ANKRD27: variants seen among roughly 807,000 people sequenced by gnomAD.
ANKRD27 encodes ankyrin repeat domain-containing protein 27.
A neutral mutation model predicts 129.7 loss-of-function variants in ANKRD27; 112 were observed. The ratio of observed to expected loss-of-function variants is 0.86; its 90% CI spans 0.74 to 1.01. ANKRD27 has a LOEUF of 1.01. ANKRD27 is among the 50% of genes least tolerant of loss of function. The probability of loss-of-function intolerance (pLI) is 0.00; values close to 1 mark genes in which losing one functional copy is unlikely to be tolerated. For synonymous variants in ANKRD27, 516 were observed against 511.2 expected (o/e 1.01, Z -0.13); for missense variants, 1,258 against 1,300.5 (o/e 0.97, Z 0.50).
intron 1 of ANKRD27, 147 bp from the exon 2 acceptor site, chr19:32,659,192 G>A (rs953730804): frequency 2.2e-5 from 12 of 553,210 alleles, no homozygotes; most frequent in Admixed American, 9.4e-5. Context: ...AGGCTGGAGC[G>A]CGGCTCAGCC....
intron 13 of ANKRD27, among the ~76,000 whole-genome samples, chr19:32,630,779 C>T (rs983476997): frequency 1.2e-4 from 19 of 152,170 alleles, no homozygotes; most frequent in African/African-American, 4.3e-4. Context: ...TACAGGTGCC[C>T]GCCACCACAC....
At chr19:32,668,040 T>C (rs1052002972) in intron 1 of ANKRD27, among the ~76,000 whole-genome samples, 1 of 152,224 alleles carries the variant, frequency 6.6e-6, no homozygotes, top group East Asian at 1.9e-4. Flanking sequence ...TATGCATACA[T>C]AACTGCATGA....
chr19:32,653,869 G>A (rs1329291589), intron 2 of ANKRD27, among the ~76,000 whole-genome samples: 1 of 152,194 alleles, frequency 6.6e-6, no homozygotes, highest in Non-Finnish European at 1.5e-5. Flanking sequence ...GCGTGGTGCG[G>A]TTCACTCTGC....
At position 32,602,138 on chromosome 19, in the gene ANKRD27, A is replaced by C. The variant is rs964193585; in HGVS notation, c.2656-12T>G. 6.8e-7 allele frequency: 1 copy of C among 1,473,146 alleles called. No individual in the cohort carries two copies. The highest frequency in any genetic ancestry group is 2.3e-5 in the East Asian group (1 of 44,226). The allele number at this position is 1,473,146 out of a possible 1,614,324, so 91.3% of individuals were successfully genotyped here. The stretch of plus-strand genomic sequence containing the variant: ...ATTATTTTTGAATTCTGCAATTTGA[A>C]AGGGAAAAGGAACAGTAATGTTTTT... On this transcript the variant is annotated splice_polypyrimidine_tract_variant and intron_variant, in intron 25 of 28. Coordinates refer to ENST00000306065, the MANE Select transcript of ANKRD27 (RefSeq NM_032139.3).
Position 32,643,609 on chromosome 19 carries a change from G to C in ANKRD27, c.548C>G (p.Thr183Ser). The change falls in exon 6 of 29, where the codon ACC becomes AGC. Residue 183 changes from threonine (T) to serine (S), a missense_variant. Transcript: ENST00000306065. Reference sequence around the variant, plus strand: ...CCTCAGAAGCTGCTGGAGGCATTTGGTGTAGAGAGCATTCGCTGAGTCCTA... The same window carrying C: ...CCTCAGAAGCTGCTGGAGGCATTTGCTGTAGAGAGCATTCGCTGAGTCCTA... The part of the protein sequence containing the change: ...HHIDSANALY[T>S]KCLQQLLRDS... 4 of 1,614,030 alleles carry C rather than the reference G, an allele frequency of 2.5e-6. No individual in the cohort carries two copies. The highest frequency in any genetic ancestry group is 3.4e-6 in the Non-Finnish European group (4 of 1,180,028).
At position 32,609,320 on chromosome 19, in the gene ANKRD27, A is replaced by ACTC. The variant is rs146560588; in HGVS notation, c.2176-1491_2176-1489dup. On this transcript the variant is annotated intron_variant, in intron 22 of 28. Transcript: ENST00000306065. ...GTATATATCCACACAAAGGCCTGTA[A>ACTC]CTCCTAGGTGTTTACCCACCAACGT... Among the ~76,000 whole-genome samples, 279 of 149,644 alleles carry ACTC rather than the reference A, an allele frequency of 1.9e-3. 1 individual carries two copies. Among genetic ancestry groups the ACTC allele is most frequent in the African/African-American group, 6.8e-3 (267 of 39,280 alleles).
intron 1 of ANKRD27, among the ~76,000 whole-genome samples, chr19:32,669,099 C>A (rs543330987): frequency 2.8e-4 from 43 of 152,274 alleles, no homozygotes; most frequent in African/African-American, 1.0e-3. Context: ...GCGTGAGCAA[C>A]CATGCCCAGC....
chr19:32,665,670 A>G (rs1967739473), intron 1 of ANKRD27, among the ~76,000 whole-genome samples: 1 of 152,086 alleles, frequency 6.6e-6, no homozygotes, highest in Admixed American at 6.6e-5. Context: ...TGTGTTAGCC[A>G]GGATGGTCTC....
chr19:32,644,086 GCTGGTCTTGAACTCCCAGC>G (rs1462610313), intron 5 of ANKRD27, among the ~76,000 whole-genome samples: 2 of 151,834 alleles, frequency 1.3e-5, no homozygotes, highest in Non-Finnish European at 2.9e-5. Flanking sequence ...TGTTACCCAG[GCTGGTCTTGAACTCCCAGC>G]CTCAAGAGAT....
At chr19:32,643,031 G>A (rs1252922771) in intron 9 of ANKRD27, 92 bp downstream of exon 9, 17 of 229,408 alleles carry the variant, frequency 7.4e-5, no homozygotes, top group Non-Finnish European at 1.5e-4. Flanking sequence ...TCAAACCAGC[G>A]TGTCACCTCT....
At chr19:32,635,814 G>A (rs1475091307) in intron 12 of ANKRD27, among the ~76,000 whole-genome samples, 1 of 152,152 alleles carries the variant, frequency 6.6e-6, no homozygotes. Flanking sequence ...CTGTCAACGA[G>A]TACAGCGAGA....
intron 3 of ANKRD27, among the ~76,000 whole-genome samples, chr19:32,647,751 A>G (rs1967330477): frequency 6.6e-6 from 1 of 152,246 alleles, no homozygotes; most frequent in African/African-American, 2.4e-5. Flanking sequence ...CAAAAAGGAC[A>G]GGAGTCGGGC....
chr19:32,643,098 A>G, intron 9 of ANKRD27, 25 bp downstream of exon 9: 1 of 1,612,326 alleles, frequency 6.2e-7, no homozygotes, highest in East Asian at 2.2e-5. Context: ...TGAGGACACC[A>G]AGCCGCTGTG....
At chr19:32,639,016 G>A (rs1967143419) in intron 12 of ANKRD27, 2 of 412,288 alleles carry the variant, frequency 4.9e-6, no homozygotes, top group Non-Finnish European at 8.5e-6. Flanking sequence ...GACAGTCCAG[G>A]GATCCCGTGA....
At chr19:32,609,580 A>C (rs1483342987) in intron 22 of ANKRD27, among the ~76,000 whole-genome samples, 1 of 151,324 alleles carries the variant, frequency 6.6e-6, no homozygotes, top group African/African-American at 2.4e-5. Context: ...TTCCACTTAC[A>C]AAAGATTCTC....
intron 1 of ANKRD27, among the ~76,000 whole-genome samples, chr19:32,674,818 C>G (rs1967951824): frequency 6.6e-6 from 1 of 152,066 alleles, no homozygotes; most frequent in Non-Finnish European, 1.5e-5. Flanking sequence ...GTGCATTCTC[C>G]GCGCCGACCG....
intron 2 of ANKRD27, among the ~76,000 whole-genome samples, chr19:32,656,059 A>AAAGAAAAG (rs1555747075): frequency 2.9e-4 from 19 of 65,918 alleles, no homozygotes; most frequent in African/African-American, 9.7e-4. Context: ...GAAAAGAAAG[A>AAAGAAAAG]AAAGAAAGAA....
At position 32,597,407 on chromosome 19, in the gene ANKRD27, A is replaced by T. The variant is rs1304742856; in HGVS notation, c.*738T>A. ...TCCAGTAACCATCCCGTCAGGTGTG[A>T]GTGTGACAGACATTCAAGGGAGGTT... is the stretch of plus-strand genomic sequence containing the variant. On this transcript the variant is annotated 3_prime_UTR_variant, in exon 29 of 29. Transcript: ENST00000306065. The T allele has an allele frequency of 6.5e-6, 1 of 152,672 alleles. No individual in the cohort carries two copies. The highest frequency in any genetic ancestry group is 1.5e-5 in the Non-Finnish European group (1 of 68,080). 9.5% of individuals were successfully genotyped at this position (152,672 alleles called of 1,614,324 possible).
intron 13 of ANKRD27, among the ~76,000 whole-genome samples, chr19:32,629,913 T>G (rs974901620): frequency 3.3e-5 from 5 of 151,112 alleles, no homozygotes; most frequent in African/African-American, 1.2e-4. Flanking sequence ...TATTTATTTA[T>G]TTTTTTAGAA....
Sources: gnomAD v4.1 joint callset for allele counts (sites outside exome capture counted in the v4.1 genomes callset) on GRCh38, gnomAD v4.1.1 for gene constraint, MANE v1.5 for transcripts, NCBI Gene and HGNC (gene_info 2026-07-23, HGNC 2026-07-21) for gene names.